Variants in CELF1 observed in about 807,000 individuals in gnomAD.
The protein encoded by CELF1 is CUGBP Elav-like family member 1.
Under a neutral mutation model 61.8 loss-of-function variants are expected in CELF1, and 10 were observed. The observed-to-expected ratio is 0.16, with a 90% CI of 0.10 to 0.27. The LOEUF (loss-of-function observed/expected upper bound fraction) is 0.27. Among genes scored for constraint, CELF1 ranks in the 10% least tolerant of loss-of-function variants. The pLI is 1.00. For missense variants in CELF1, 380 were observed against 639.1 expected, an observed-to-expected ratio of 0.59 and a Z score of 4.37; for synonymous variants, 236 against 225.1, an observed-to-expected ratio of 1.05 and a Z score of -0.43.
chr11:47,546,473 C>T (rs956965612), intron 1 of CELF1, among the ~76,000 whole-genome samples: 1 of 151,674 alleles, frequency 6.6e-6, no homozygotes, highest in Non-Finnish European at 1.5e-5. Context: ...TCAGATGATC[C>T]GCCCACCCTG....
At chr11:47,530,483 A>G (rs372226060) in intron 1 of CELF1, among the ~76,000 whole-genome samples, 1 of 152,240 alleles carries the variant, frequency 6.6e-6, no homozygotes, top group African/African-American at 2.4e-5. Flanking sequence ...AAGAGGACAT[A>G]GTCACAGATC....
intron 3 of CELF1, among the ~76,000 whole-genome samples, chr11:47,499,170 G>C (rs550735794): frequency 6.6e-6 from 1 of 152,264 alleles, no homozygotes; most frequent in South Asian, 2.1e-4. Context: ...TATCATATAG[G>C]AAAACACTAC....
chr11:47,489,935 G>GTTTTTTTTTTTTTTTTT (rs561900704), intron 3 of CELF1, among the ~76,000 whole-genome samples: 2,566 of 48,202 alleles, frequency 0.053, 937 homozygotes, highest in Non-Finnish European at 0.071. Context: ...ATACCATCTT[G>GTTTTTTTTTTTTTTTTT]TTTTTTTTTT....
intron 3 of CELF1, among the ~76,000 whole-genome samples, chr11:47,491,885 T>C (rs2091618125): frequency 6.6e-6 from 1 of 152,216 alleles, no homozygotes; most frequent in Admixed American, 6.5e-5. Flanking sequence ...TTTAACCAAT[T>C]AGCTCTGATA....
intron 1 of CELF1, among the ~76,000 whole-genome samples, chr11:47,510,606 C>A (rs896407486): frequency 1.3e-5 from 2 of 152,048 alleles, no homozygotes; most frequent in African/African-American, 4.8e-5. Flanking sequence ...CCCACCACGG[C>A]TTCCCAAGTA....
At chr11:47,489,231 T>C (rs1370351717) in intron 3 of CELF1, among the ~76,000 whole-genome samples, 1 of 151,338 alleles carries the variant, frequency 6.6e-6, no homozygotes, top group Non-Finnish European at 1.5e-5. Context: ...AAAGTCACCA[T>C]TCTGATTGGG....
intron 6 of CELF1, 88 bp from the exon 7 acceptor site, chr11:47,484,611 A>C: frequency 9.1e-7 from 1 of 1,099,764 alleles, no homozygotes; most frequent in Non-Finnish European, 1.3e-6. Flanking sequence ...CCTGGGTTTG[A>C]ATCCTGGCTC....
chr11:47,505,144 A>G (rs548670157), intron 1 of CELF1, among the ~76,000 whole-genome samples: 2 of 151,310 alleles, frequency 1.3e-5, no homozygotes, highest in South Asian at 4.2e-4. Context: ...GTACTCAGCA[A>G]TAGTATAGCC....
chr11:47,532,656 T>C (rs1047697770), intron 1 of CELF1, among the ~76,000 whole-genome samples: 2 of 152,220 alleles, frequency 1.3e-5, no homozygotes, highest in Non-Finnish European at 2.9e-5. Context: ...TCTATCTCTA[T>C]GTGAATTTAA....
intron 1 of CELF1, among the ~76,000 whole-genome samples, chr11:47,534,584 C>T (rs370375728): frequency 2.6e-5 from 4 of 151,690 alleles, no homozygotes; most frequent in Admixed American, 6.6e-5. Context: ...AAAAATTAGC[C>T]GGGCGTGGTG....
At chr11:47,548,359 AAT>A (rs1305225587) in intron 1 of CELF1, among the ~76,000 whole-genome samples, 1 of 152,164 alleles carries the variant, frequency 6.6e-6, no homozygotes, top group Non-Finnish European at 1.5e-5. Flanking sequence ...CCTAGAAGAA[AAT>A]ATAGAGGAAA....
upstream of CELF1, among the ~76,000 whole-genome samples, chr11:47,554,970 T>G (rs867683600): frequency 6.6e-6 from 1 of 152,146 alleles, no homozygotes; most frequent in Non-Finnish European, 1.5e-5. Context: ...GGCCTCACAG[T>G]ATATTTTGTA....
intron 1 of CELF1, among the ~76,000 whole-genome samples, chr11:47,511,824 T>C (rs940418078): frequency 3.2e-4 from 48 of 152,142 alleles, no homozygotes; most frequent in Admixed American, 2.6e-4. Context: ...AGAAAGTCTG[T>C]TTAAATGCTA....
intron 1 of CELF1, among the ~76,000 whole-genome samples, chr11:47,510,837 A>C (rs1437391786): frequency 6.6e-6 from 1 of 152,132 alleles, no homozygotes; most frequent in Non-Finnish European, 1.5e-5. Flanking sequence ...AAATTCCTTG[A>C]AAAACTTCCT....
At chr11:47,513,735 G>T (rs538781017) in intron 1 of CELF1, 1 of 151,120 alleles carries the variant, frequency 6.6e-6, no homozygotes, top group Admixed American at 6.6e-5. Flanking sequence ...GATTACAGGC[G>T]TGAGCCACTG....
At position 47,470,377 on chromosome 11, in the gene CELF1, AG is replaced by A. The variant is rs1365823982; in HGVS notation, c.*1852del. ...TCATGACCCTGGAAGCCTTTAGAAC[AG>A]TTTTATCCTTTGAAACACAGGACAC... On this transcript the variant is annotated 3_prime_UTR_variant, in exon 15 of 15. Coordinates refer to ENST00000687097, the MANE Select transcript of CELF1 (RefSeq NM_001376376.1). 3 of 151,488 alleles carry A rather than the reference AG, an allele frequency of 2.0e-5. No homozygotes were observed. The highest frequency in any genetic ancestry group is 7.3e-5 in the African/African-American group (3 of 41,168). The allele number at this position is 151,488 out of a possible 1,614,324, so 9.4% of individuals were successfully genotyped here. A position where few individuals can be genotyped will look rare whatever the true frequency, so the allele number is the denominator to read the frequency against.
rs2080409715 is a variant in CELF1 at position 47,476,787 on chromosome 11, G to T, written c.1087+59C>A. On this transcript the variant is annotated intron_variant, in intron 12 of 14. Transcript: ENST00000687097. ...TCATTCCAGTGGTGCCCCTACCAGG[G>T]TTAAGATGTGCTACCTGCACAAAGA... is the stretch of plus-strand genomic sequence containing the variant. 3.7e-6 allele frequency: 5 copies of T among 1,333,578 alleles called. No individual in the cohort carries two copies. The South Asian group carries it at 5.9e-5, about 16-fold the overall frequency. 82.6% of individuals were successfully genotyped at this position (1,333,578 alleles called of 1,614,324 possible).
intron 1 of CELF1, among the ~76,000 whole-genome samples, chr11:47,520,134 T>G (rs1223606097): frequency 1.3e-5 from 2 of 152,052 alleles, no homozygotes; most frequent in African/African-American, 4.8e-5. Flanking sequence ...CTTAAGGAGT[T>G]AATGGTCTTG....
intron 1 of CELF1, among the ~76,000 whole-genome samples, chr11:47,543,261 C>T (rs145072171): frequency 1.9e-3 from 296 of 152,152 alleles, no homozygotes; most frequent in African/African-American, 6.9e-3. Context: ...ATTAGCCAAG[C>T]GTGGTGTTGC....
Sources: allele counts gnomAD v4.1 joint callset (sites outside exome capture counted in the v4.1 genomes callset), GRCh38; gene constraint gnomAD v4.1.1; transcripts MANE v1.5; gene names NCBI Gene and HGNC (gene_info 2026-07-23, HGNC 2026-07-21).